BPIFA2: variants seen among roughly 807,000 people sequenced by gnomAD.
The protein encoded by BPIFA2 is BPI fold containing family A member 2.
BPIFA2 carries 20 observed loss-of-function variants against 25.7 expected under a neutral mutation model. That is an observed-to-expected ratio of 0.78 (90% CI 0.55 to 1.13). The LOEUF (loss-of-function observed/expected upper bound fraction) is 1.13, where lower values mean the gene tolerates loss of function less well. BPIFA2 is among the 50% of genes most tolerant of loss of function. The probability of loss-of-function intolerance (pLI) is 0.00; values close to 1 mark genes in which losing one functional copy is unlikely to be tolerated. For synonymous variants in BPIFA2, 126 were observed against 124.3 expected (o/e 1.01, Z -0.09); for missense variants, 300 against 298.1 (o/e 1.01, Z -0.05).
chr20:33,167,677 C>T (rs1983764055), upstream of BPIFA2, among the ~76,000 whole-genome samples: 1 of 1,822 alleles, frequency 5.5e-4, no homozygotes, highest in Admixed American at 8.9e-3. Context: ...CCCCTGGGGG[C>T]AGGACCCCTG....
At chr20:33,180,658 G>A (rs930263305) in intron 8 of BPIFA2, 61 bp downstream of exon 8, 31 of 1,371,856 alleles carry the variant, frequency 2.3e-5, no homozygotes, top group Middle Eastern at 2.2e-4. Context: ...AAAGTCAAGC[G>A]TGGCTTCCCT....
chr20:33,173,931 G>GA, intron 3 of BPIFA2, 148 bp from the exon 4 acceptor site: 1 of 621,560 alleles, frequency 1.6e-6, no homozygotes, highest in South Asian at 2.0e-5. Flanking sequence ...AAAATACAGA[G>GA]AATCAAACCT....
At chr20:33,164,699 TC>T, upstream of BPIFA2, among the ~76,000 whole-genome samples, 1 of 151,592 alleles carries the variant, frequency 6.6e-6, no homozygotes, top group East Asian at 1.9e-4. Flanking sequence ...TCTCTCTTTT[TC>T]CTTTCTTTCC....
upstream of BPIFA2, among the ~76,000 whole-genome samples, chr20:33,167,089 G>A (rs971485360): frequency 3.3e-5 from 5 of 152,218 alleles, no homozygotes; most frequent in African/African-American, 1.2e-4. Flanking sequence ...TAACAGTGGA[G>A]CCATGGTCAG....
intron 5 of BPIFA2, among the ~76,000 whole-genome samples, chr20:33,177,147 G>T (rs1176872245): frequency 6.6e-6 from 1 of 152,164 alleles, no homozygotes; most frequent in Non-Finnish European, 1.5e-5. Context: ...TTGAGGTCAG[G>T]AGTTCAAGAC....
At chr20:33,178,906 A>T (rs772852669) in intron 6 of BPIFA2, among the ~76,000 whole-genome samples, 2 of 152,162 alleles carry the variant, frequency 1.3e-5, no homozygotes, top group Non-Finnish European at 2.9e-5. Flanking sequence ...TCTGCGGGGA[A>T]CTGTGTACAC....
At position 33,175,455 on chromosome 20, in the gene BPIFA2, G is replaced by A. The variant is rs773187479; in HGVS notation, c.459G>A (p.Leu153=). 6.2e-7 allele frequency: 1 copy of A among 1,614,028 alleles called. No homozygotes were observed. The highest frequency in any genetic ancestry group is 1.7e-5 in the Admixed American group (1 of 60,000). ...ACCTGAAAGCCTCCTTGGACCTCCT[G>A]ACCGCAGTCACAATTGAAACTGATC... ...IINLKASLDL[L]TAVTIETDPQ... The change falls in exon 5 of 9, where the codon CTG becomes CTA. Residue 153 remains leucine (L), a synonymous_variant. Transcript: ENST00000354932.
chr20:33,180,557 C>G lies in BPIFA2; in HGVS notation c.747C>G (p.Ile249Met). The change falls in exon 8 of 9, where the codon ATC becomes ATG. Residue 249 changes from isoleucine to methionine, a missense_variant. Ile to Met is a conservative substitution (Grantham distance 10). Coordinates refer to ENST00000354932, the MANE Select transcript of BPIFA2 (RefSeq NM_080574.4). ...PQHKTQLQTLI is the reference protein window; with the variant it reads ...PQHKTQLQTLM ...ACAAAACCCAGCTGCAAACCCTCATCTGAAGAGGACGAATGAGGAGGACCA... is the reference window on the plus strand; with the variant it reads ...ACAAAACCCAGCTGCAAACCCTCATGTGAAGAGGACGAATGAGGAGGACCA... 6.2e-7 allele frequency: 1 copy of G among 1,612,786 alleles called. No individual in the cohort carries two copies. Among genetic ancestry groups the G allele is most frequent in the Non-Finnish European group, 8.5e-7 (1 of 1,178,800 alleles).
intron 3 of BPIFA2, 82 bp downstream of exon 3, chr20:33,173,158 G>C: frequency 6.7e-7 from 1 of 1,495,790 alleles, no homozygotes; most frequent in East Asian, 2.3e-5. Context: ...TAAGATGAAA[G>C]ACAGATGGAC....
intron 4 of BPIFA2, 122 bp from the exon 5 acceptor site, chr20:33,175,285 C>A: frequency 1.0e-6 from 1 of 975,912 alleles, no homozygotes; most frequent in Non-Finnish European, 1.5e-6. Flanking sequence ...GTTGATATTA[C>A]CTGGGCCATG....
chr20:33,162,082 A>G lies in BPIFA2; in HGVS notation c.-16+184A>G, dbSNP rs141385205. ...TTCAACCTCTGCTTCCCGGGTTCAA[A>G]TGATTCCCCTGCCTCAGCCTCCCGA... is the stretch of plus-strand genomic sequence containing the variant. On this transcript the variant is annotated intron_variant, in intron 1 of 8. Coordinates refer to the BPIFA2 transcript ENST00000253362. 5.3e-5 allele frequency among the ~76,000 whole-genome samples: 8 copies of G among 152,168 alleles called. 1 individual carries two copies. Among genetic ancestry groups the G allele is most frequent in the African/African-American group, 1.9e-4 (8 of 41,524 alleles).
At chr20:33,163,992 G>T (rs1421396447), upstream of BPIFA2, among the ~76,000 whole-genome samples, 1 of 152,110 alleles carries the variant, frequency 6.6e-6, no homozygotes, top group Non-Finnish European at 1.5e-5. Context: ...GCCTCTGGTT[G>T]CTGGGAGGAG....
intron 2 of BPIFA2, 122 bp downstream of exon 2, chr20:33,169,424 A>C (rs1325461556): frequency 4.3e-6 from 4 of 924,210 alleles, no homozygotes; most frequent in Non-Finnish European, 6.5e-6. Flanking sequence ...AAAAGTGGCT[A>C]TTCAATTCCT....
rs140056672 is a variant in BPIFA2 at position 33,169,296 on chromosome 20, C to G, written c.151C>G (p.Leu51Val). 9.1e-4 allele frequency: 1,465 copies of G among 1,613,850 alleles called. 27 individuals are homozygous for G. The East Asian group carries it at 0.028, about 31-fold the overall frequency. The stretch of plus-strand genomic sequence containing the variant: ...GGGACTTGAGACAGTTGACAATACT[C>G]TTAAAGGTAAATCAACAAGGGTGAT... ...HEGLETVDNT[L>V]KGILEKLKVD... The change falls in exon 2 of 9, where the codon CTT becomes GTT. Residue 51 changes from leucine (L) to valine (V), a missense_variant. Transcript: ENST00000354932.
chr20:33,180,624 T>A (rs1181941465), intron 8 of BPIFA2, 27 bp downstream of exon 8: 5 of 1,510,400 alleles, frequency 3.3e-6, no homozygotes, highest in Admixed American at 3.3e-5. Context: ...TGTGCCCCAA[T>A]GCACAGGGGC....
Position 33,174,156 on chromosome 20 carries a change from TC to T in BPIFA2, c.383del (p.Pro128LeufsTer19). The T allele has an allele frequency of 6.2e-7, 1 of 1,614,160 alleles. No individual in the cohort carries two copies. Among genetic ancestry groups the T allele is most frequent in the Non-Finnish European group, 8.5e-7 (1 of 1,180,030 alleles). On this transcript the variant is annotated frameshift_variant, in exon 4 of 9. Transcript: ENST00000354932. LOFTEE classifies it high-confidence loss of function. ...IDDGKGLNLSFPVTANVTVAG... is the reference protein window; with the variant it reads ...IDDGKGLNLSXPVTANVTVAG... The stretch of plus-strand genomic sequence containing the variant: ...GATGGCAAAGGCCTTAACCTGAGCT[TC>T]CCTGTCACCGCGAATGTCACTGTGG...
intron 1 of BPIFA2, among the ~76,000 whole-genome samples, chr20:33,168,467 A>G (rs1983791438): frequency 6.6e-6 from 1 of 152,072 alleles, no homozygotes; most frequent in African/African-American, 2.4e-5. Flanking sequence ...AAATCAGAGT[A>G]AATTTAGAGA....
At chr20:33,167,479 G>A (rs1443931271), upstream of BPIFA2, among the ~76,000 whole-genome samples, 2 of 152,202 alleles carry the variant, frequency 1.3e-5, no homozygotes, top group Non-Finnish European at 2.9e-5. Flanking sequence ...GTCCTTGCAA[G>A]TATGGACAAG....
At position 33,179,740 on chromosome 20, in the gene BPIFA2, G is replaced by A. The variant is rs370424684; in HGVS notation, c.709+73G>A. The A allele has an allele frequency of 4.2e-6, 6 of 1,439,556 alleles. No individual in the cohort carries two copies. The African/African-American group carries it at 5.7e-5, about 14-fold the overall frequency. The allele number at this position is 1,439,556 out of a possible 1,614,324, so 89.2% of individuals were successfully genotyped here. On this transcript the variant is annotated intron_variant, in intron 7 of 8. Coordinates refer to ENST00000354932, the MANE Select transcript of BPIFA2 (RefSeq NM_080574.4). ...TGTGCCCACCCCATAAGCAGTTCTG[G>A]TCAGGGGACCCTGGAGAAGCAGAAG... is the stretch of plus-strand genomic sequence containing the variant.
Sources: gnomAD v4.1 joint callset for allele counts (sites outside exome capture counted in the v4.1 genomes callset) on GRCh38, gnomAD v4.1.1 for gene constraint, MANE v1.5 for transcripts, NCBI Gene and HGNC (gene_info 2026-07-23, HGNC 2026-07-21) for gene names.